The following KCNT2 variants were observed in gnomAD, a reference collection of about 807,000 sequenced individuals.
The protein encoded by KCNT2 is potassium sodium-activated channel subfamily T member 2.
KCNT2 carries 67 observed loss-of-function variants against 153.8 expected under a neutral mutation model. That is an observed-to-expected ratio of 0.44 (90% confidence interval 0.36 to 0.53). KCNT2 has a LOEUF of 0.53. Ranked by LOEUF, KCNT2 falls within the 20% of genes least tolerant of loss-of-function variation. The pLI is 0.00. For missense variants in KCNT2, 975 were observed against 1,354.8 expected (o/e 0.72, Z 4.40); for synonymous variants, 500 against 458.8 (o/e 1.09, Z -1.15).
chr1:196,586,415 CA>C (rs1231312231), intron 1 of KCNT2, among the ~76,000 whole-genome samples: 2 of 151,980 alleles, frequency 1.3e-5, no homozygotes, highest in African/African-American at 4.8e-5. Context: ...TTAAAACTAT[CA>C]GTAATATTAT....
chr1:196,361,612 G>A (rs1667629575), intron 14 of KCNT2, among the ~76,000 whole-genome samples: 1 of 152,010 alleles, frequency 6.6e-6, no homozygotes, highest in African/African-American at 2.4e-5. Flanking sequence ...AATGAGTCAT[G>A]GACCCATTGA....
intron 8 of KCNT2, among the ~76,000 whole-genome samples, chr1:196,442,516 G>C (rs536620650): frequency 6.6e-6 from 1 of 151,798 alleles, no homozygotes; most frequent in South Asian, 2.1e-4. Context: ...AGAAAGAAGA[G>C]GCCCCAGAGT....
chr1:196,483,628 A>C (rs1050336856), intron 3 of KCNT2, among the ~76,000 whole-genome samples: 5 of 151,874 alleles, frequency 3.3e-5, no homozygotes, highest in Non-Finnish European at 5.9e-5. Flanking sequence ...TCTCAGCTCA[A>C]CCCTCTGTGT....
chr1:196,243,643 T>C (rs1489919114), intron 26 of KCNT2, among the ~76,000 whole-genome samples: 1 of 152,040 alleles, frequency 6.6e-6, no homozygotes, highest in African/African-American at 2.4e-5. Flanking sequence ...AGGGAACACT[T>C]AGACAAGTTC....
intron 26 of KCNT2, among the ~76,000 whole-genome samples, chr1:196,243,064 G>T (rs1444434155): frequency 1.3e-5 from 2 of 152,048 alleles, no homozygotes; most frequent in Non-Finnish European, 2.9e-5. Flanking sequence ...CCCTTTTGTA[G>T]TCAATTTTCT....
intron 8 of KCNT2, among the ~76,000 whole-genome samples, chr1:196,448,830 G>A (rs1034506203): frequency 2.6e-5 from 4 of 151,264 alleles, no homozygotes; most frequent in Non-Finnish European, 4.4e-5. Context: ...TCTACCTAAC[G>A]ACACTCTAGA....
chr1:196,312,124 TTC>T (rs1662240222), intron 21 of KCNT2, among the ~76,000 whole-genome samples: 1 of 151,858 alleles, frequency 6.6e-6, no homozygotes, highest in African/African-American at 2.4e-5. Flanking sequence ...CTTGAGTGTC[TTC>T]TTTTAGATGT....
At chr1:196,605,793 A>C (rs6428348) in intron 1 of KCNT2, among the ~76,000 whole-genome samples, 16,048 of 152,150 alleles carry the variant, frequency 0.11, 2,826 homozygotes, top group African/African-American at 0.37. Context: ...AAAGGGAGAA[A>C]AAAAGGATTG....
chr1:196,369,775 G>A (rs1263422165), intron 14 of KCNT2, among the ~76,000 whole-genome samples: 39 of 152,092 alleles, frequency 2.6e-4, no homozygotes, highest in South Asian at 4.1e-4. Flanking sequence ...GAATAATGCC[G>A]CAATAAACAT....
At chr1:196,540,149 T>C (rs988893090) in intron 1 of KCNT2, among the ~76,000 whole-genome samples, 1 of 152,156 alleles carries the variant, frequency 6.6e-6, no homozygotes, top group Non-Finnish European at 1.5e-5. Flanking sequence ...TCACTCTTAG[T>C]AGTTTTTAAG....
intron 13 of KCNT2, among the ~76,000 whole-genome samples, chr1:196,386,351 T>C (rs1342309652): frequency 6.6e-6 from 1 of 152,056 alleles, no homozygotes; most frequent in African/African-American, 2.4e-5. Context: ...TACCACAAAG[T>C]TTTGGGATAG....
At chr1:196,539,079 A>T (rs1293879894) in intron 1 of KCNT2, among the ~76,000 whole-genome samples, 1 of 152,198 alleles carries the variant, frequency 6.6e-6, no homozygotes, top group African/African-American at 2.4e-5. Context: ...ACCTTCTCGA[A>T]GACAGAAATC....
chr1:196,353,249 C>T (rs999661933), intron 14 of KCNT2, among the ~76,000 whole-genome samples: 10 of 151,962 alleles, frequency 6.6e-5, no homozygotes, highest in African/African-American at 2.4e-4. Context: ...TTAGTTCCTA[C>T]TGCAGGCAGA....
At chr1:196,459,008 A>C (rs1200526139) in intron 8 of KCNT2, among the ~76,000 whole-genome samples, 1 of 151,854 alleles carries the variant, frequency 6.6e-6, no homozygotes, top group Admixed American at 6.6e-5. Flanking sequence ...AAATTGTCCC[A>C]AATAATCATT....
At chr1:196,238,297 G>A (rs183520116) in intron 26 of KCNT2, among the ~76,000 whole-genome samples, 120 of 151,762 alleles carry the variant, frequency 7.9e-4, no homozygotes, top group South Asian at 6.7e-3. Context: ...AGAAATTTCC[G>A]GTGGGAGATA....
intron 25 of KCNT2, among the ~76,000 whole-genome samples, chr1:196,274,699 C>T (rs568641878): frequency 2.0e-5 from 3 of 151,852 alleles, no homozygotes; most frequent in African/African-American, 7.2e-5. Context: ...ATAAAAGTGG[C>T]CAAAATTCAG....
intron 22 of KCNT2, among the ~76,000 whole-genome samples, chr1:196,293,594 A>G (rs1463664377): frequency 6.6e-6 from 1 of 152,166 alleles, no homozygotes; most frequent in Non-Finnish European, 1.5e-5. Flanking sequence ...GGAAAACTGG[A>G]TATCTGCAAG....
Position 196,469,032 on chromosome 1 carries a change from T to C in KCNT2, c.421A>G (p.Ile141Val), listed in dbSNP as rs754178929. The change falls in exon 6 of 28, where the codon ATC (isoleucine) becomes GTC (valine). Residue 141 changes from isoleucine to valine, a missense_variant. Physicochemically the swap from Ile to Val is conservative, Grantham distance 29. This residue lies in a region of KCNT2 where 140 missense variants were observed against 216.0 expected (regional missense o/e 0.65). Transcript: ENST00000294725. Reference sequence around the variant, plus strand: ...GGAACTGCATTAATTATTTCCAAGATGAAGGGTATTCGTAAAATCTGTTCC... The same window carrying C: ...GGAACTGCATTAATTATTTCCAAGACGAAGGGTATTCGTAAAATCTGTTCC... ...IWEQILRIPF[I>V]LEIINAVPFI... 91 of 1,602,534 alleles carry C rather than the reference T, an allele frequency of 5.7e-5. No individual in the cohort carries two copies. The highest frequency in any genetic ancestry group is 7.8e-5 in the Non-Finnish European group (91 of 1,172,484).
At chr1:196,421,830 G>A (rs1225552493) in intron 12 of KCNT2, among the ~76,000 whole-genome samples, 5 of 152,088 alleles carry the variant, frequency 3.3e-5, no homozygotes, top group African/African-American at 1.2e-4. Flanking sequence ...CCTGAGAGCT[G>A]TGAGGGAAGG....
Sources: allele counts gnomAD v4.1 joint callset (sites outside exome capture counted in the v4.1 genomes callset), GRCh38; gene constraint gnomAD v4.1.1; regional missense constraint gnomAD v4.1.1; transcripts MANE v1.5; gene names NCBI Gene and HGNC (gene_info 2026-07-23, HGNC 2026-07-21).